Variants in SLC14A2 observed in about 807,000 individuals in gnomAD.
SLC14A2 encodes the protein solute carrier family 14 member 2.
In SLC14A2, 91 loss-of-function variants were observed where a neutral mutation model predicts 104.6. That is an observed-to-expected ratio of 0.87 (90% CI 0.73 to 1.04). The LOEUF (loss-of-function observed/expected upper bound fraction) is 1.04, where lower values mean the gene tolerates loss of function less well. Ranked by LOEUF, SLC14A2 falls within the 50% of genes least tolerant of loss-of-function variation. The pLI is 0.00. For missense variants in SLC14A2, 1,189 were observed against 1,156.0 expected (o/e 1.03, Z -0.41); for synonymous variants, 476 against 466.4 (o/e 1.02, Z -0.27).
chr18:45,442,967 T>A (rs2086704075), intron 1 of SLC14A2, among the ~76,000 whole-genome samples: 1 of 152,200 alleles, frequency 6.6e-6, no homozygotes, highest in East Asian at 1.9e-4. Flanking sequence ...GTCTACACAA[T>A]GTCAATATGT....
intron 2 of SLC14A2, among the ~76,000 whole-genome samples, chr18:45,522,969 G>C (rs540390318): frequency 1.3e-5 from 2 of 152,260 alleles, no homozygotes. Context: ...GCCATGGCTT[G>C]GCACGCATGC....
Position 45,522,210 on chromosome 18 carries a change from G to C in SLC14A2, c.-35+38888G>C, listed in dbSNP as rs568080906. On this transcript the variant is annotated intron_variant, in intron 2 of 20. Coordinates refer to the SLC14A2 transcript ENST00000586448. ...CCTTAAGAAATAGAAAGTGCTGTAGGAAAGTTGGCAGCGTCAAGTTCTGGG... is the reference window on the plus strand; with the variant it reads ...CCTTAAGAAATAGAAAGTGCTGTAGCAAAGTTGGCAGCGTCAAGTTCTGGG... 1.5e-4 allele frequency among the ~76,000 whole-genome samples: 23 copies of C among 152,342 alleles called. No homozygotes were observed. The South Asian group carries it at 4.1e-3, about 27-fold the overall frequency.
intron 1 of SLC14A2, among the ~76,000 whole-genome samples, chr18:45,214,394 G>A (rs1383028753): frequency 6.6e-6 from 1 of 152,162 alleles, no homozygotes; most frequent in Non-Finnish European, 1.5e-5. Flanking sequence ...GATAGAGAGG[G>A]AGGAAAGGAA....
At chr18:45,311,602 C>G (rs1265678618) in intron 1 of SLC14A2, among the ~76,000 whole-genome samples, 1 of 152,178 alleles carries the variant, frequency 6.6e-6, no homozygotes, top group Non-Finnish European at 1.5e-5. Context: ...ATTCAAATGC[C>G]TGGCCCCACC....
At chr18:45,454,239 A>G (rs2086905204) in intron 1 of SLC14A2, among the ~76,000 whole-genome samples, 1 of 152,142 alleles carries the variant, frequency 6.6e-6, no homozygotes, top group African/African-American at 2.4e-5. Flanking sequence ...TCTAATCCTC[A>G]ACTTCCTTTT....
At chr18:45,463,293 A>C (rs1258065856) in intron 1 of SLC14A2, among the ~76,000 whole-genome samples, 1 of 152,194 alleles carries the variant, frequency 6.6e-6, no homozygotes, top group Non-Finnish European at 1.5e-5. Context: ...GTCATTTGAA[A>C]GCCTGAACAC....
In SLC14A2 at chr18:45,563,376, T is replaced by C. The variant is rs1166406999; in HGVS notation, c.-34-61255T>C. Among the ~76,000 whole-genome samples the C allele has an allele frequency of 4.6e-5, 7 of 152,226 alleles. No individual in the cohort carries two copies. In the South Asian group the frequency reaches 1.4e-3, roughly 32 times the overall value. ...AGACCAGTGTTGTGGGGCCAGAAGCTTTCACAATTTAGAAGGCCCTCTTGA... is the reference window on the plus strand; with the variant it reads ...AGACCAGTGTTGTGGGGCCAGAAGCCTTCACAATTTAGAAGGCCCTCTTGA... On this transcript the variant is annotated intron_variant, in intron 2 of 20. Transcript: ENST00000586448.
intron 1 of SLC14A2, among the ~76,000 whole-genome samples, chr18:45,413,259 C>G (rs563321395): frequency 1.3e-5 from 2 of 152,048 alleles, no homozygotes; most frequent in Non-Finnish European, 2.9e-5. Flanking sequence ...AAATTTGTTG[C>G]GGAGAATCTC....
intron 1 of SLC14A2, among the ~76,000 whole-genome samples, chr18:45,453,601 C>T (rs2086891225): frequency 6.6e-6 from 1 of 151,988 alleles, no homozygotes; most frequent in South Asian, 2.1e-4. Flanking sequence ...TTTGCATTAA[C>T]TTTCATTTTT....
At chr18:45,213,783 G>A (rs1599577613) in intron 1 of SLC14A2, among the ~76,000 whole-genome samples, 1 of 152,062 alleles carries the variant, frequency 6.6e-6, no homozygotes, top group Non-Finnish European at 1.5e-5. Flanking sequence ...TCCTGTTCAG[G>A]CTGCTTATGT....
intron 1 of SLC14A2, among the ~76,000 whole-genome samples, chr18:45,328,290 G>A (rs925815000): frequency 1.4e-4 from 22 of 152,146 alleles, no homozygotes; most frequent in Admixed American, 3.9e-4. Context: ...CCCAGCAAAC[G>A]CATCTCAGGG....
At chr18:45,588,982 G>A (rs2044609858) in intron 2 of SLC14A2, among the ~76,000 whole-genome samples, 1 of 151,128 alleles carries the variant, frequency 6.6e-6, no homozygotes, top group African/African-American at 2.4e-5. Flanking sequence ...GGTGGGGGGG[G>A]GTGTTAAATG....
At chr18:45,587,398 G>A (rs561012159) in intron 2 of SLC14A2, among the ~76,000 whole-genome samples, 33 of 152,246 alleles carry the variant, frequency 2.2e-4, no homozygotes, top group South Asian at 1.0e-3. Context: ...TGAGAACCCC[G>A]TTCCAGGATA....
At chr18:45,542,191 T>C (rs1212171254) in intron 2 of SLC14A2, 5 of 151,750 alleles carry the variant, frequency 3.3e-5, no homozygotes, top group Non-Finnish European at 4.4e-5. Context: ...ATAATAACTT[T>C]CTGATCTCAA....
At chr18:45,648,195 C>CTTTTTTTTTTTTTTTTTTTTTTTTT (rs59843067) in intron 10 of SLC14A2, among the ~76,000 whole-genome samples, 3 of 101,246 alleles carry the variant, frequency 3.0e-5, no homozygotes, top group African/African-American at 1.2e-4. Flanking sequence ...CTAGTTAATG[C>CTTTTTTTTTTTTTTTTTTTTTTTTT]TTTTTTTTTT....
At chr18:45,220,642 A>G (rs2084052635) in intron 1 of SLC14A2, among the ~76,000 whole-genome samples, 1 of 152,228 alleles carries the variant, frequency 6.6e-6, no homozygotes, top group South Asian at 2.1e-4. Flanking sequence ...TGCTGAAGGC[A>G]TTTGACATCC....
intron 1 of SLC14A2, among the ~76,000 whole-genome samples, 179 bp downstream of exon 1, chr18:45,615,761 C>T (rs1160883958): frequency 6.6e-6 from 1 of 151,902 alleles, no homozygotes; most frequent in African/African-American, 2.4e-5. Context: ...CCTAGAGCCA[C>T]CTCGGGGCAG....
rs181861617 is a variant in SLC14A2, at chr18:45,228,918, C to G, written c.-125+15727C>G. 2.4e-4 allele frequency among the ~76,000 whole-genome samples: 36 copies of G among 152,280 alleles called. 1 individual carries two copies. Among genetic ancestry groups the G allele is most frequent in the Admixed American group, 5.2e-4 (8 of 15,286 alleles). ...CCCCTCTCCTTTAACATCTATACCTCTGTCATGTGATTAAACATTGGCCCG... is the reference window on the plus strand; with the variant it reads ...CCCCTCTCCTTTAACATCTATACCTGTGTCATGTGATTAAACATTGGCCCG... On this transcript the variant is annotated intron_variant, in intron 1 of 20. Coordinates refer to the SLC14A2 transcript ENST00000586448.
intron 1 of SLC14A2, among the ~76,000 whole-genome samples, chr18:45,329,081 AAAG>A (rs2085264702): frequency 6.6e-6 from 1 of 152,236 alleles, no homozygotes; most frequent in African/African-American, 2.4e-5. Flanking sequence ...TGAAAGAAAA[AAAG>A]GAGACAAGTG....
Sources: allele counts gnomAD v4.1 joint callset (sites outside exome capture counted in the v4.1 genomes callset), GRCh38; gene constraint gnomAD v4.1.1; transcripts MANE v1.5; gene names NCBI Gene and HGNC (gene_info 2026-07-23, HGNC 2026-07-21).